The following PPP6R3 variants were observed in gnomAD, a reference collection of about 807,000 sequenced individuals.
PPP6R3 encodes protein phosphatase 6 regulatory subunit 3, also known as serine/threonine-protein phosphatase 6 regulatory subunit 3.
In PPP6R3, 38 loss-of-function variants were observed where a neutral mutation model predicts 110.7. The observed-to-expected ratio is 0.34, with a 90% CI of 0.26 to 0.45. PPP6R3 has a LOEUF of 0.45. Ranked by LOEUF, PPP6R3 falls within the 20% of genes least tolerant of loss-of-function variation. The pLI is 1.00. For missense variants in PPP6R3, 870 were observed against 1,062.4 expected, an observed-to-expected ratio of 0.82 and a Z score of 2.52; for synonymous variants, 369 against 373.5, an observed-to-expected ratio of 0.99 and a Z score of 0.14.
chr11:68,481,888 T>C (rs796614054), intron 1 of PPP6R3, among the ~76,000 whole-genome samples: 3 of 152,060 alleles, frequency 2.0e-5, no homozygotes, highest in African/African-American at 7.2e-5. Flanking sequence ...TCTAGATGAG[T>C]GTGAGGTAGT....
At chr11:68,530,065 A>G (rs1181427655) in intron 2 of PPP6R3, among the ~76,000 whole-genome samples, 1 of 152,254 alleles carries the variant, frequency 6.6e-6, no homozygotes, top group African/African-American at 2.4e-5. Context: ...AAGAAATAAT[A>G]TAGCCCTGTT....
chr11:68,487,922 T>C (rs1304084894), intron 1 of PPP6R3, among the ~76,000 whole-genome samples: 1 of 152,232 alleles, frequency 6.6e-6, no homozygotes, highest in Non-Finnish European at 1.5e-5. Flanking sequence ...TTACTGATTT[T>C]CTACCTGCTG....
In PPP6R3 at chr11:68,548,256, A is replaced by G. The variant is rs773345656; in HGVS notation, c.552+52A>G. 26 of 1,601,970 alleles carry G rather than the reference A, an allele frequency of 1.6e-5. No homozygotes were observed. The East Asian group carries it at 5.4e-4, about 33-fold the overall frequency. ...ACTGGGGTTAGGGTGCTGGCATGTG[A>G]GCCCACCAGGCTGCTGTGTGCTGGG... On this transcript the variant is annotated intron_variant, in intron 5 of 23. Transcript: ENST00000393800.
chr11:68,573,524 T>G (rs2099518746), intron 12 of PPP6R3, among the ~76,000 whole-genome samples: 1 of 152,088 alleles, frequency 6.6e-6, no homozygotes, highest in Non-Finnish European at 1.5e-5. Context: ...ACAAAGACTG[T>G]TTGTTTGCAT....
chr11:68,610,161 T>C, intron 23 of PPP6R3, 138 bp downstream of exon 23: 1 of 1,194,116 alleles, frequency 8.4e-7, no homozygotes, highest in Non-Finnish European at 1.1e-6. Flanking sequence ...GGACAGGGTT[T>C]TCTCAGTCCT....
intron 14 of PPP6R3, among the ~76,000 whole-genome samples, chr11:68,580,586 A>G (rs2099549664): frequency 6.6e-6 from 1 of 152,044 alleles, no homozygotes; most frequent in Non-Finnish European, 1.5e-5. Flanking sequence ...AAGATGACCG[A>G]GGTTTCTAGT....
chr11:68,594,320 A>AGTG (rs2099605742), intron 18 of PPP6R3, among the ~76,000 whole-genome samples: 43 of 110,138 alleles, frequency 3.9e-4, no homozygotes, highest in African/African-American at 1.5e-3. Flanking sequence ...GAGAGAGAGA[A>AGTG]AAAGAGAGAG....
At chr11:68,533,863 C>T (rs2099255096) in intron 2 of PPP6R3, among the ~76,000 whole-genome samples, 2 of 152,038 alleles carry the variant, frequency 1.3e-5, no homozygotes, top group Admixed American at 6.6e-5. Context: ...ATCAGTTAGG[C>T]CACGCTGCTG....
chr11:68,498,312 G>A (rs2099029959), intron 1 of PPP6R3, among the ~76,000 whole-genome samples: 1 of 152,122 alleles, frequency 6.6e-6, no homozygotes, highest in Non-Finnish European at 1.5e-5. Flanking sequence ...CAGTTACCCA[G>A]CTCTAACAAC....
intron 1 of PPP6R3, among the ~76,000 whole-genome samples, chr11:68,474,514 G>C (rs2098814615): frequency 6.6e-6 from 1 of 151,950 alleles, no homozygotes; most frequent in Non-Finnish European, 1.5e-5. Context: ...GGTGAGATTG[G>C]CCTGTAATTT....
At chr11:68,503,863 A>G (rs58014807) in intron 1 of PPP6R3, among the ~76,000 whole-genome samples, 93 of 152,358 alleles carry the variant, frequency 6.1e-4, no homozygotes, top group African/African-American at 2.1e-3. Flanking sequence ...TGAAGTATAA[A>G]TGGTTCTTCA....
intron 23 of PPP6R3, 108 bp downstream of exon 23, chr11:68,610,131 C>G: frequency 7.0e-7 from 1 of 1,438,246 alleles, no homozygotes; most frequent in Non-Finnish European, 9.3e-7. Context: ...GTGCTCAAGT[C>G]TTAGGCCGCT....
At position 68,569,838 on chromosome 11, in the gene PPP6R3, A is replaced by T; in HGVS notation, c.1219A>T (p.Thr407Ser). The T allele has an allele frequency of 6.2e-7, 1 of 1,612,654 alleles. No homozygotes were observed. Among genetic ancestry groups the T allele is most frequent in the Non-Finnish European group, 8.5e-7 (1 of 1,178,970 alleles). Residue 407 changes from threonine (T) to serine (S), a missense_variant, in exon 11 of 24, where the codon ACA becomes TCA. Thr to Ser is a moderately conservative substitution (Grantham distance 58). Coordinates refer to ENST00000393800, the MANE Select transcript of PPP6R3 (RefSeq NM_001164161.2). The stretch of plus-strand genomic sequence containing the variant: ...GATTCTTGCAAGTCCTTTTGAAAAC[A>T]CAGAAAATGCCACAATTACCGATCA... ...ALILASPFEN[T>S]ENATITDQDS...
At chr11:68,541,934 A>G (rs2099317772) in intron 3 of PPP6R3, among the ~76,000 whole-genome samples, 1 of 152,072 alleles carries the variant, frequency 6.6e-6, no homozygotes, top group African/African-American at 2.4e-5. Flanking sequence ...GCCCAGGTGA[A>G]AGCCTGGAGG....
chr11:68,609,013 T>C (rs1408092601), intron 22 of PPP6R3, among the ~76,000 whole-genome samples: 2 of 152,164 alleles, frequency 1.3e-5, no homozygotes, highest in African/African-American at 4.8e-5. Context: ...CATCCTAATA[T>C]GAGATTTTTC....
At position 68,613,850 on chromosome 11, in the gene PPP6R3, C is replaced by T; in HGVS notation, c.*733C>T. ...TGTTTGCTTGAAATGATTATTCCTA[C>T]AAGTGAAACACTAGACTATTTGGAG... On this transcript the variant is annotated 3_prime_UTR_variant, in exon 24 of 24. Coordinates refer to ENST00000393800, the MANE Select transcript of PPP6R3 (RefSeq NM_001164161.2). 1 of 983,520 alleles carries T rather than the reference C, an allele frequency of 1.0e-6. No individual in the cohort carries two copies. Among genetic ancestry groups the T allele is most frequent in the Non-Finnish European group, 1.2e-6 (1 of 829,506 alleles). 60.9% of individuals were successfully genotyped at this position (983,520 alleles called of 1,614,324 possible).
intron 3 of PPP6R3, among the ~76,000 whole-genome samples, chr11:68,542,533 A>G (rs1231964870): frequency 6.6e-6 from 1 of 151,504 alleles, no homozygotes; most frequent in East Asian, 1.9e-4. Flanking sequence ...AGCTGAGACT[A>G]CAGGTGTGTG....
intron 1 of PPP6R3, among the ~76,000 whole-genome samples, chr11:68,512,182 C>T (rs2099114179): frequency 6.6e-6 from 1 of 152,114 alleles, no homozygotes; most frequent in Non-Finnish European, 1.5e-5. Flanking sequence ...TCAGGGTTGC[C>T]ATAACAAAAT....
At position 68,613,398 on chromosome 11, in the gene PPP6R3, A is replaced by T; in HGVS notation, c.*281A>T. The T allele has an allele frequency of 1.7e-6, 2 of 1,149,040 alleles. No individual in the cohort carries two copies. The highest frequency in any genetic ancestry group is 1.6e-5 in the African/African-American group (1 of 62,138). 71.2% of individuals were successfully genotyped at this position (1,149,040 alleles called of 1,614,324 possible). On this transcript the variant is annotated 3_prime_UTR_variant, in exon 24 of 24. Coordinates refer to ENST00000393800, the MANE Select transcript of PPP6R3 (RefSeq NM_001164161.2). The stretch of plus-strand genomic sequence containing the variant: ...GAAATAAGATCTTGCCACCCATGTA[A>T]TAATAGTAGTAATACTATAGTTAAA...
Sources: allele counts gnomAD v4.1 joint callset (sites outside exome capture counted in the v4.1 genomes callset), GRCh38; gene constraint gnomAD v4.1.1; transcripts MANE v1.5; gene names NCBI Gene and HGNC (gene_info 2026-07-23, HGNC 2026-07-21).